The following IFRD1 variants were observed in gnomAD, a reference collection of about 807,000 sequenced individuals.
IFRD1 encodes interferon related developmental regulator 1.
Under a neutral mutation model 52.9 loss-of-function variants are expected in IFRD1, and 35 were observed. That is an observed-to-expected ratio of 0.66 (90% confidence interval 0.51 to 0.88). The LOEUF is 0.88. IFRD1 is among the 40% of genes least tolerant of loss of function. IFRD1 has a pLI of 0.00. For synonymous variants in IFRD1, 184 were observed against 188.4 expected (o/e 0.98, Z 0.19); for missense variants, 517 against 550.8 (o/e 0.94, Z 0.61).
chr7:112,462,310 G>A lies in IFRD1; in HGVS notation c.838G>A (p.Val280Ile). 6.2e-7 allele frequency: 1 copy of A among 1,613,744 alleles called. No individual in the cohort carries two copies. Among genetic ancestry groups the A allele is most frequent in the Non-Finnish European group, 8.5e-7 (1 of 1,179,764 alleles). The stretch of plus-strand genomic sequence containing the variant: ...TCCAAGCCTCCTCTCTTGTGATGAT[G>A]TAAACATGAGAATAGCTGCTGGTGA... ...KLPSLLSCDD[V>I]NMRIAAGESL... Residue 280 changes from valine to isoleucine, a missense_variant, in exon 8 of 12, where the codon GTA becomes ATA. By Grantham distance (29) the Val-to-Ile change is conservative (BLOSUM62 3). Coordinates refer to ENST00000403825, the MANE Select transcript of IFRD1 (RefSeq NM_001550.4).
upstream of IFRD1, among the ~76,000 whole-genome samples, chr7:112,449,317 A>AT (rs199782969): frequency 7.3e-3 from 1,119 of 152,282 alleles, 10 homozygotes; most frequent in Non-Finnish European, 0.012. Flanking sequence ...GAGTTTTGGA[A>AT]TTTAACATAT....
intron 8 of IFRD1, 175 bp from the exon 9 acceptor site, chr7:112,467,806 C>T (rs936826918): frequency 2.2e-5 from 14 of 644,932 alleles, no homozygotes; most frequent in Non-Finnish European, 3.3e-5. Context: ...TTTCTGGGTT[C>T]GATTTTTGCA....
intron 1 of IFRD1, among the ~76,000 whole-genome samples, chr7:112,439,422 C>T (rs1252765437): frequency 6.6e-6 from 1 of 152,166 alleles, no homozygotes; most frequent in Non-Finnish European, 1.5e-5. Context: ...GTAACAGTAT[C>T]AGTTGAGATG....
chr7:112,455,127 G>T (rs1469153367), intron 1 of IFRD1, among the ~76,000 whole-genome samples: 2 of 150,604 alleles, frequency 1.3e-5, no homozygotes, highest in Admixed American at 6.6e-5. Context: ...GCCTCCCAAA[G>T]TGCTAGGATT....
chr7:112,445,298 C>T (rs903118199), intron 1 of IFRD1, among the ~76,000 whole-genome samples: 1 of 152,022 alleles, frequency 6.6e-6, no homozygotes, highest in Non-Finnish European at 1.5e-5. Flanking sequence ...GATCTCCTGA[C>T]CTTGTGATCC....
rs1467450578 is a variant in IFRD1 at position 112,476,695 on chromosome 7, T to C, written c.*1176T>C. 2 of 152,200 alleles carry C rather than the reference T, an allele frequency of 1.3e-5. No homozygotes were observed. Among genetic ancestry groups the C allele is most frequent in the Non-Finnish European group, 2.9e-5 (2 of 68,030 alleles). The allele number at this position is 152,200 out of a possible 1,614,324, so 9.4% of individuals were successfully genotyped here. On this transcript the variant is annotated 3_prime_UTR_variant, in exon 12 of 12. Transcript: ENST00000403825. ...TTGCTGCTTGTTTGCCCATGAGGTA[T>C]ATTTCTTTCATTTTATGAAAAGCAT...
rs1386477079 is a variant in IFRD1 at position 112,475,554 on chromosome 7, A to T, written c.*35A>T. 7.0e-6 allele frequency: 9 copies of T among 1,281,560 alleles called. No individual in the cohort carries two copies. The highest frequency in any genetic ancestry group is 4.4e-5 in the African/African-American group (3 of 67,702). 79.4% of individuals were successfully genotyped at this position (1,281,560 alleles called of 1,614,324 possible). On this transcript the variant is annotated 3_prime_UTR_variant, in exon 12 of 12. Coordinates refer to ENST00000403825, the MANE Select transcript of IFRD1 (RefSeq NM_001550.4). ...ACTTGAAGACTATTTTCTAATTTCT[A>T]TTTTTTTTTCTATTTCAATGTATTT...
chr7:112,459,079 CCTA>C (rs1388156218), intron 5 of IFRD1, 61 bp downstream of exon 5: 2 of 1,380,742 alleles, frequency 1.4e-6, no homozygotes, highest in Non-Finnish European at 2.0e-6. Context: ...ACGTGGTGCG[CCTA>C]TAGTACTGTA....
chr7:112,428,499 T>TA (rs1471326193), intron 1 of IFRD1, among the ~76,000 whole-genome samples: 9 of 150,772 alleles, frequency 6.0e-5, no homozygotes, highest in Non-Finnish European at 1.0e-4. Context: ...ACTTGAGAAA[T>TA]ACTTAGGAAA....
intron 1 of IFRD1, among the ~76,000 whole-genome samples, chr7:112,445,128 G>A (rs568646967): frequency 2.1e-5 from 3 of 141,658 alleles, no homozygotes; most frequent in Non-Finnish European, 3.0e-5. Flanking sequence ...GTGCAGTGGC[G>A]CAATCTCGGC....
In IFRD1 at chr7:112,468,117, T is replaced by C; in HGVS notation, c.1041+2T>C. ...AGAGATGTCCTGAGGGCAGTGGAGG[T>C]AGGCTTCTTAAATGCTGTAATAGCT... On this transcript the variant is annotated splice_donor_variant, in intron 9 of 11. Transcript: ENST00000403825. LOFTEE classifies it high-confidence loss of function. 6.2e-7 allele frequency: 1 copy of C among 1,613,824 alleles called. No individual in the cohort carries two copies. Among genetic ancestry groups the C allele is most frequent in the East Asian group, 2.2e-5 (1 of 44,870 alleles).
chr7:112,459,809 G>T (rs558022534), intron 5 of IFRD1, among the ~76,000 whole-genome samples: 1 of 152,292 alleles, frequency 6.6e-6, no homozygotes, highest in East Asian at 1.9e-4. Flanking sequence ...GACTCAGCCA[G>T]AGCACATCAC....
chr7:112,464,583 G>A (rs1224253591), intron 8 of IFRD1, among the ~76,000 whole-genome samples: 2 of 152,150 alleles, frequency 1.3e-5, no homozygotes, highest in African/African-American at 2.4e-5. Context: ...CACATGATAG[G>A]TACAGTGTAA....
Position 112,468,096 on chromosome 7 carries a change from A to G in IFRD1, c.1022A>G (p.Asp341Gly). 1 of 1,614,050 alleles carries G rather than the reference A, an allele frequency of 6.2e-7. No homozygotes were observed. The highest frequency in any genetic ancestry group is 8.5e-7 in the Non-Finnish European group (1 of 1,179,962). ...AGAAAGCAGCGGTCAGTTTTCAGAG[A>G]TGTCCTGAGGGCAGTGGAGGTAGGC... ...DKRKQRSVFRDVLRAVEERDF... is the reference protein window; with the variant it reads ...DKRKQRSVFRGVLRAVEERDF... The change falls in exon 9 of 12, where the codon GAT becomes GGT. Residue 341 changes from aspartate (D) to glycine (G), a missense_variant. Asp to Gly is a moderately conservative substitution (Grantham distance 94, BLOSUM62 -1). Transcript: ENST00000403825.
intron 11 of IFRD1, among the ~76,000 whole-genome samples, 187 bp from the exon 12 acceptor site, chr7:112,475,243 C>T (rs1220950480): frequency 1.3e-5 from 2 of 152,178 alleles, no homozygotes; most frequent in South Asian, 2.1e-4. Flanking sequence ...CAGGTGTGAG[C>T]CACCTTGCAT....
chr7:112,450,921 C>G (rs1795144431), intron 1 of IFRD1, 139 bp downstream of exon 1: 1 of 705,092 alleles, frequency 1.4e-6, no homozygotes. Flanking sequence ...GGCTACTGAA[C>G]TACAATTCCC....
chr7:112,434,447 G>T (rs1173656039), intron 1 of IFRD1, among the ~76,000 whole-genome samples: 1 of 152,190 alleles, frequency 6.6e-6, no homozygotes, highest in African/African-American at 2.4e-5. Flanking sequence ...GGATCCCACA[G>T]CAGGAATGAT....
chr7:112,470,206 CCTT>C (rs1795712156), intron 9 of IFRD1, among the ~76,000 whole-genome samples: 1 of 152,182 alleles, frequency 6.6e-6, no homozygotes, highest in Non-Finnish European at 1.5e-5. Flanking sequence ...AGAATAGTCT[CCTT>C]CTAAAGGAGA....
intron 8 of IFRD1, among the ~76,000 whole-genome samples, chr7:112,463,850 A>ATG (rs1795530675): frequency 4.4e-5 from 1 of 22,512 alleles, no homozygotes; most frequent in Non-Finnish European, 8.2e-5. Flanking sequence ...ATACACATTT[A>ATG]TATACACACA....
Sources: gnomAD v4.1 joint callset for allele counts (sites outside exome capture counted in the v4.1 genomes callset) on GRCh38, gnomAD v4.1.1 for gene constraint, MANE v1.5 for transcripts, NCBI Gene and HGNC (gene_info 2026-07-23, HGNC 2026-07-21) for gene names.